Variants in AVIL observed in about 807,000 individuals in gnomAD.
AVIL encodes the protein advillin.
AVIL carries 78 observed loss-of-function variants against 109.9 expected under a neutral mutation model. The observed-to-expected ratio is 0.71, with a 90% CI of 0.59 to 0.86. The LOEUF (loss-of-function observed/expected upper bound fraction) is 0.86, where lower values mean the gene tolerates loss of function less well. Ranked by LOEUF, AVIL falls within the 40% of genes least tolerant of loss-of-function variation. AVIL has a pLI of 0.00. For synonymous variants in AVIL, 367 were observed against 379.1 expected (o/e 0.97, Z 0.37); for missense variants, 892 against 1,016.5 (o/e 0.88, Z 1.67).
chr12:57,807,254 C>T (rs1289496118), intron 13 of AVIL, 77 bp downstream of exon 13: 10 of 1,597,230 alleles, frequency 6.3e-6, no homozygotes, highest in South Asian at 5.6e-5. Flanking sequence ...CCCTCCTCTG[C>T]TCTCCAATAG....
At chr12:57,816,153 C>T in intron 1 of AVIL, 94 bp from the exon 2 acceptor site, 1 of 1,031,444 alleles carries the variant, frequency 9.7e-7, no homozygotes, top group Non-Finnish European at 1.4e-6. Context: ...AGTCTGTTGT[C>T]AGCCATCCTG....
rs1227495407 is a variant in AVIL, at chr12:57,808,209, G to C, written c.1179C>G (p.Gly393=). 1 of 1,614,150 alleles carries C rather than the reference G, an allele frequency of 6.2e-7. No homozygotes were observed. The highest frequency in any genetic ancestry group is 8.5e-7 in the Non-Finnish European group (1 of 1,180,018). Residue 393 remains glycine, a synonymous_variant, in exon 11 of 20, where the codon GGC becomes GGG. Coordinates refer to ENST00000549994, the MANE Select transcript of AVIL (RefSeq NM_006576.4). ...TTGGGCTTACCTCAACTTTTCCGTT[G>C]CCATCATCGACCATTCTTTCCTGGG... ...VAAQERMVDD[G]NGKVEVWRIE...
rs749386081 is a variant in AVIL at position 57,809,838 on chromosome 12, G to C, written c.814C>G (p.Leu272Val). 1.2e-6 allele frequency: 2 copies of C among 1,614,202 alleles called. No homozygotes were observed. Among genetic ancestry groups the C allele is most frequent in the South Asian group, 2.2e-5 (2 of 91,078 alleles). ...TCATGGTTCAGTAAGTCCTGGACCA[G>C]AGGCCTTGTTGCTACCTCTGTGACT... ...LAVTEVATRP[L>V]VQDLLNHDDC... The change falls in exon 8 of 20, where the codon CTG becomes GTG. Residue 272 changes from leucine to valine, a missense_variant. Coordinates refer to ENST00000549994, the MANE Select transcript of AVIL (RefSeq NM_006576.4).
chr12:57,801,390 A>C, intron 17 of AVIL, 178 bp from the exon 18 acceptor site: 1 of 506,010 alleles, frequency 2.0e-6, no homozygotes. Flanking sequence ...AGGTGCTTAA[A>C]CATAACGCAC....
At chr12:57,802,413 C>A (rs1351346451) in intron 16 of AVIL, 65 bp from the exon 17 acceptor site, 1 of 1,501,642 alleles carries the variant, frequency 6.7e-7, no homozygotes, top group Non-Finnish European at 9.1e-7. Flanking sequence ...CTAGATCATA[C>A]ACATTACCCT....
At position 57,802,306 on chromosome 12, in the gene AVIL, CCTT is replaced by C. The variant is rs780481776; in HGVS notation, c.2002_2004del (p.Lys668del). The C allele has an allele frequency of 2.4e-5, 38 of 1,613,790 alleles. No homozygotes were observed. The East Asian group carries it at 2.7e-4, about 11-fold the overall frequency. On this transcript the variant is annotated inframe_deletion, in exon 17 of 20. Coordinates refer to ENST00000549994, the MANE Select transcript of AVIL (RefSeq NM_006576.4). ...TGCTGTGCTGTGGCAAGGGCACTCT[CCTT>C]CTCCGTGGCATTGGCCTCAGCCCCA...
At position 57,797,768 on chromosome 12, in the gene AVIL, A is replaced by G. The variant is rs1955765285; in HGVS notation, c.*114T>C. On this transcript the variant is annotated 3_prime_UTR_variant, in exon 20 of 20. Transcript: ENST00000549994. ...CATGCCGTGATTTGCAGACTCTATT[A>G]TATCTAAATTAAGTAGCTGAATGTC... is the stretch of plus-strand genomic sequence containing the variant. 1 of 867,826 alleles carries G rather than the reference A, an allele frequency of 1.2e-6. No individual in the cohort carries two copies. Among genetic ancestry groups the G allele is most frequent in the East Asian group, 3.0e-5 (1 of 32,930 alleles). 53.8% of individuals were successfully genotyped at this position (867,826 alleles called of 1,614,324 possible).
At chr12:57,808,709 T>G in intron 9 of AVIL, 161 bp from the exon 10 acceptor site, 6 of 793,240 alleles carry the variant, frequency 7.6e-6, no homozygotes, top group Non-Finnish European at 1.2e-5. Flanking sequence ...CCAAGGTACC[T>G]GCCTAAAAAA....
At position 57,813,251 on chromosome 12, in the gene AVIL, C is replaced by T. The variant is rs534984118; in HGVS notation, c.314G>A (p.Arg105His). Residue 105 changes from arginine to histidine, a missense_variant, in exon 4 of 20, where the codon CGT (arginine) becomes CAT (histidine). By Grantham distance (29) the Arg-to-His change is conservative. Transcript: ENST00000549994. ...CATGATGCCCTGCTTGAAGTAGCCACGGAAAGTGTCTGACTCATGGTACTG... is the reference window on the plus strand; with the variant it reads ...CATGATGCCCTGCTTGAAGTAGCCATGGAAAGTGTCTGACTCATGGTACTG... ...EVQYHESDTF[R>H]GYFKQGIIYK... is the part of the protein sequence containing the mutation. 3.4e-5 allele frequency: 55 copies of T among 1,613,274 alleles called. No individual in the cohort carries two copies. Among genetic ancestry groups the T allele is most frequent in the South Asian group, 1.8e-4 (16 of 91,034 alleles).
intron 17 of AVIL, 24 bp from the exon 18 acceptor site, chr12:57,801,236 C>T (rs747371816): frequency 6.2e-7 from 1 of 1,601,478 alleles, no homozygotes. Flanking sequence ...AGAGAAAACA[C>T]AGGATGAGGT....
chr12:57,811,483 T>C (rs1956037325), intron 4 of AVIL, among the ~76,000 whole-genome samples: 1 of 152,164 alleles, frequency 6.6e-6, no homozygotes, highest in Non-Finnish European at 1.5e-5. Flanking sequence ...TGAATGCCAG[T>C]GTGTTACTGG....
At chr12:57,805,227 T>C (rs1042164507) in intron 14 of AVIL, among the ~76,000 whole-genome samples, 2 of 151,490 alleles carry the variant, frequency 1.3e-5, no homozygotes, top group African/African-American at 4.9e-5. Context: ...AGCTAATTTT[T>C]TGTATTTTTA....
chr12:57,805,659 G>T (rs1366298460), intron 14 of AVIL, among the ~76,000 whole-genome samples: 1 of 150,462 alleles, frequency 6.6e-6, no homozygotes, highest in Non-Finnish European at 1.5e-5. Context: ...TCAGCCTCCC[G>T]AGTAGCTGGG....
intron 16 of AVIL, chr12:57,802,710 G>A: frequency 1.6e-6 from 1 of 609,702 alleles, no homozygotes; most frequent in Non-Finnish European, 2.9e-6. Flanking sequence ...CTCCACTTTT[G>A]ATAGGTGGTA....
At chr12:57,814,336 G>T in intron 2 of AVIL, 110 bp from the exon 3 acceptor site, 1 of 1,109,530 alleles carries the variant, frequency 9.0e-7, no homozygotes, top group Non-Finnish European at 1.3e-6. Flanking sequence ...AAGGAGGGGA[G>T]ATGTTCTCAA....
At chr12:57,802,043 T>A in intron 17 of AVIL, 117 bp downstream of exon 17, 1 of 1,175,378 alleles carries the variant, frequency 8.5e-7, no homozygotes. Context: ...GGGATGGGAG[T>A]AGGGAAATGA....
intron 18 of AVIL, 124 bp from the exon 19 acceptor site, chr12:57,800,044 GATAACA>G (rs1408144392): frequency 1.6e-6 from 2 of 1,280,298 alleles, no homozygotes; most frequent in African/African-American, 3.0e-5. Flanking sequence ...AATCATCTTT[GATAACA>G]ATGCTCCCCA....
chr12:57,813,536 C>G, intron 3 of AVIL, 113 bp from the exon 4 acceptor site: 1 of 1,056,682 alleles, frequency 9.5e-7, no homozygotes, highest in South Asian at 1.5e-5. Flanking sequence ...GACTGAGGGC[C>G]CTCTCTCCTG....
In AVIL at chr12:57,810,540, CAG is replaced by C; in HGVS notation, c.568_569del (p.Leu190GlyfsTer14). On this transcript the variant is annotated frameshift_variant, in exon 7 of 20. Coordinates refer to ENST00000549994, the MANE Select transcript of AVIL (RefSeq NM_006576.4). LOFTEE classifies it high-confidence loss of function. ...NSGERLKAML[L>X]AKDIRDRERG... ...GCTCCCTGTCTCGAATATCCTTTGC[CAG>C]AAGCATAGCCTGTCAAAGAAGCCCA... The C allele has an allele frequency of 1.2e-6, 2 of 1,613,584 alleles. No individual in the cohort carries two copies. Among genetic ancestry groups the C allele is most frequent in the African/African-American group, 2.7e-5 (2 of 75,004 alleles).
Sources: allele counts gnomAD v4.1 joint callset (sites outside exome capture counted in the v4.1 genomes callset), GRCh38; gene constraint gnomAD v4.1.1; transcripts MANE v1.5; gene names NCBI Gene and HGNC (gene_info 2026-07-23, HGNC 2026-07-21).